Variants in WDR70 observed in about 807,000 individuals in gnomAD.
WDR70 encodes WD repeat domain 70.
A neutral mutation model predicts 88.6 loss-of-function variants in WDR70; 53 were observed. That is an observed-to-expected ratio of 0.60 (90% CI 0.48 to 0.75). WDR70 has a LOEUF of 0.75. Ranked by LOEUF, WDR70 falls within the 30% of genes least tolerant of loss-of-function variation. The pLI, the probability that WDR70 is intolerant of heterozygous loss-of-function variation, is 0.00. For missense variants in WDR70, 610 were observed against 823.2 expected (o/e 0.74, Z 3.17); for synonymous variants, 280 against 270.0 (o/e 1.04, Z -0.36).
chr5:37,603,965 T>TTG lies in WDR70; in HGVS notation c.918-1098_918-1097dup, dbSNP rs1470906617. 5.3e-5 allele frequency among the ~76,000 whole-genome samples: 8 copies of TTG among 152,210 alleles called. 1 individual carries two copies. Among genetic ancestry groups the TTG allele is most frequent in the African/African-American group, 1.9e-4 (8 of 41,462 alleles). On this transcript the variant is annotated intron_variant, in intron 9 of 17. Transcript: ENST00000265107. Reference sequence around the variant, plus strand: ...TTACAATTATTGTCATACATTTTACTTGGACATGGTTATAAAACTCAAAGT... The same window carrying TTG: ...TTACAATTATTGTCATACATTTTACTTGTGGACATGGTTATAAAACTCAAAGT...
intron 10 of WDR70, among the ~76,000 whole-genome samples, chr5:37,655,277 T>C (rs1183267497): frequency 1.3e-5 from 2 of 152,232 alleles, no homozygotes; most frequent in East Asian, 1.9e-4. Context: ...CCCTACTTTC[T>C]TTTGGCTTGT....
At chr5:37,720,998 T>G in intron 13 of WDR70, 117 bp from the exon 14 acceptor site, 1 of 833,520 alleles carries the variant, frequency 1.2e-6, no homozygotes, top group Middle Eastern at 2.3e-4. Flanking sequence ...GTCTGAAAGT[T>G]AGAGGTAAAC....
intron 7 of WDR70, among the ~76,000 whole-genome samples, chr5:37,449,687 A>G (rs1415751308): frequency 6.6e-6 from 1 of 151,956 alleles, no homozygotes; most frequent in Non-Finnish European, 1.5e-5. Context: ...CCCCAGTTCT[A>G]GAATCAGTTC....
chr5:37,593,283 T>G (rs1176661899), intron 9 of WDR70, among the ~76,000 whole-genome samples: 1 of 152,160 alleles, frequency 6.6e-6, no homozygotes, highest in Non-Finnish European at 1.5e-5. Context: ...CATTACGTAT[T>G]TCTCCTAATG....
intron 10 of WDR70, among the ~76,000 whole-genome samples, chr5:37,657,265 T>C (rs2112570310): frequency 6.6e-6 from 1 of 152,258 alleles, no homozygotes; most frequent in South Asian, 2.1e-4. Flanking sequence ...TCCTGATCCC[T>C]TGTGCTTCCC....
At chr5:37,603,563 T>C (rs1335692771) in intron 9 of WDR70, among the ~76,000 whole-genome samples, 2 of 152,224 alleles carry the variant, frequency 1.3e-5, no homozygotes, top group East Asian at 3.8e-4. Flanking sequence ...ATTTTTTATA[T>C]GTGATCCAAA....
intron 10 of WDR70, among the ~76,000 whole-genome samples, chr5:37,683,635 A>G (rs1746502248): frequency 6.6e-6 from 1 of 152,116 alleles, no homozygotes; most frequent in Non-Finnish European, 1.5e-5. Flanking sequence ...TCTGGGTTGG[A>G]ATTTCTTTTC....
intron 10 of WDR70, among the ~76,000 whole-genome samples, chr5:37,680,288 C>G (rs1746387515): frequency 6.6e-6 from 1 of 151,772 alleles, no homozygotes; most frequent in South Asian, 2.1e-4. Context: ...CTTATAGATG[C>G]TAGATATTAG....
At chr5:37,506,051 C>G in intron 8 of WDR70, 1 of 1,370,210 alleles carries the variant, frequency 7.3e-7, no homozygotes, top group South Asian at 1.2e-5. Flanking sequence ...CACAGTCAAG[C>G]ACTGATCCAG....
At chr5:37,616,438 T>G (rs1295318323) in intron 10 of WDR70, among the ~76,000 whole-genome samples, 1 of 152,164 alleles carries the variant, frequency 6.6e-6, no homozygotes, top group Non-Finnish European at 1.5e-5. Flanking sequence ...TCAGACTAGA[T>G]TATACTTTGT....
chr5:37,524,651 TG>T (rs1278225134), intron 9 of WDR70, among the ~76,000 whole-genome samples: 1 of 152,144 alleles, frequency 6.6e-6, no homozygotes, highest in Non-Finnish European at 1.5e-5. Flanking sequence ...TAAATGTAAA[TG>T]GGCTAAATGC....
At chr5:37,697,814 A>C in intron 11 of WDR70, 60 bp downstream of exon 11, 1 of 1,435,776 alleles carries the variant, frequency 7.0e-7, no homozygotes, top group Non-Finnish European at 9.7e-7. Flanking sequence ...TCTTTAACAA[A>C]TATGACAATA....
At chr5:37,534,900 G>A (rs1034607450) in intron 9 of WDR70, among the ~76,000 whole-genome samples, 1 of 151,928 alleles carries the variant, frequency 6.6e-6, no homozygotes, top group Non-Finnish European at 1.5e-5. Context: ...AATTCAGATG[G>A]TTTGCTGTTT....
At chr5:37,707,950 T>A (rs4587099) in intron 13 of WDR70, among the ~76,000 whole-genome samples, 757 of 17,534 alleles carry the variant, frequency 0.043, 43 homozygotes, top group Admixed American at 0.072. Context: ...AAAAAAAAAA[T>A]ATATATATAT....
At chr5:37,531,587 CTTTTTTTT>C (rs149831770) in intron 9 of WDR70, among the ~76,000 whole-genome samples, 1 of 77,732 alleles carries the variant, frequency 1.3e-5, no homozygotes, top group Admixed American at 1.5e-4. Context: ...TAAAGTTTTT[CTTTTTTTT>C]TTTTTTTTTT....
intron 17 of WDR70, among the ~76,000 whole-genome samples, chr5:37,732,594 T>A (rs1482845294): frequency 6.6e-6 from 1 of 152,122 alleles, no homozygotes; most frequent in African/African-American, 2.4e-5. Flanking sequence ...TATAATTTTT[T>A]AGCATCTGTT....
chr5:37,746,981 A>G (rs1397069274), intron 17 of WDR70, among the ~76,000 whole-genome samples: 1 of 152,238 alleles, frequency 6.6e-6, no homozygotes. Flanking sequence ...AGAAAACTTC[A>G]GGCCAATGTC....
chr5:37,543,587 T>C (rs1249093399), intron 9 of WDR70, among the ~76,000 whole-genome samples: 1 of 152,178 alleles, frequency 6.6e-6, no homozygotes, highest in Admixed American at 6.5e-5. Context: ...GACATATTTA[T>C]TGTACTATTT....
chr5:37,706,280 A>G (rs1289079390), intron 13 of WDR70, among the ~76,000 whole-genome samples: 1 of 152,190 alleles, frequency 6.6e-6, no homozygotes, highest in Non-Finnish European at 1.5e-5. Flanking sequence ...ATTTCACCAT[A>G]CGATGTTTGC....
Sources: gnomAD v4.1 joint callset for allele counts (sites outside exome capture counted in the v4.1 genomes callset) on GRCh38, gnomAD v4.1.1 for gene constraint, MANE v1.5 for transcripts, NCBI Gene and HGNC (gene_info 2026-07-23, HGNC 2026-07-21) for gene names.